ADGRL2: variants seen among roughly 807,000 people sequenced by gnomAD.
ADGRL2 encodes calcium-independent alpha-latrotoxin receptor 2.
In ADGRL2, 44 loss-of-function variants were observed where a neutral mutation model predicts 157.4. The observed-to-expected ratio is 0.28, with a 90% confidence interval of 0.22 to 0.36. ADGRL2 has a LOEUF of 0.36. Ranked by LOEUF, ADGRL2 falls within the 10% of genes least tolerant of loss-of-function variation. ADGRL2 has a pLI of 1.00. For synonymous variants in ADGRL2, 585 were observed against 624.7 expected (o/e 0.94, Z 0.95); for missense variants, 1,510 against 1,768.9 (o/e 0.85, Z 2.63).
intron 3 of ADGRL2, among the ~76,000 whole-genome samples, chr1:81,913,945 T>C (rs1318174175): frequency 2.0e-5 from 3 of 152,064 alleles, no homozygotes; most frequent in Admixed American, 6.6e-5. Flanking sequence ...TACTAATAGA[T>C]ACTAATTTTA....
chr1:81,382,750 T>C (rs1204272613), intron 1 of ADGRL2, among the ~76,000 whole-genome samples: 2 of 152,226 alleles, frequency 1.3e-5, no homozygotes, highest in African/African-American at 4.8e-5. Flanking sequence ...CAATTGGTCT[T>C]ATCTTCAGAT....
intron 1 of ADGRL2, among the ~76,000 whole-genome samples, chr1:81,382,239 A>T (rs2076356121): frequency 1.3e-5 from 2 of 152,202 alleles, no homozygotes; most frequent in African/African-American, 2.4e-5. Flanking sequence ...TCACATCAAC[A>T]TTCATCGCCA....
intron 2 of ADGRL2, among the ~76,000 whole-genome samples, chr1:81,544,627 A>G (rs1354396847): frequency 6.6e-6 from 1 of 152,134 alleles, no homozygotes; most frequent in Non-Finnish European, 1.5e-5. Flanking sequence ...CTGTATTTCA[A>G]TAATAATGTC....
intron 2 of ADGRL2, among the ~76,000 whole-genome samples, chr1:81,515,644 T>C (rs939073285): frequency 6.6e-6 from 1 of 152,192 alleles, no homozygotes. Flanking sequence ...TGTATGTTTA[T>C]TGTGGAAAAT....
At chr1:81,779,253 A>G (rs2086717629) in intron 2 of ADGRL2, among the ~76,000 whole-genome samples, 1 of 152,206 alleles carries the variant, frequency 6.6e-6, no homozygotes, top group South Asian at 2.1e-4. Context: ...GATGGGAAGA[A>G]TGAAATGTCT....
chr1:81,804,499 C>T (rs778317875), intron 1 of ADGRL2, among the ~76,000 whole-genome samples: 2 of 152,130 alleles, frequency 1.3e-5, no homozygotes, highest in Non-Finnish European at 2.9e-5. Context: ...AAGCGGAGGC[C>T]CAAAGGGCAA....
intron 1 of ADGRL2, among the ~76,000 whole-genome samples, chr1:81,393,818 C>CTTTTTTTTT (rs35350823): frequency 7.9e-6 from 1 of 126,618 alleles, no homozygotes; most frequent in Non-Finnish European, 1.8e-5. Flanking sequence ...TATTGCCTTG[C>CTTTTTTTTT]TTTTTTTTTT....
chr1:81,818,578 AT>A (rs1258245478), intron 1 of ADGRL2, among the ~76,000 whole-genome samples: 2 of 152,154 alleles, frequency 1.3e-5, no homozygotes, highest in Non-Finnish European at 2.9e-5. Flanking sequence ...TTATAAGCAT[AT>A]TACATCTACC....
At chr1:81,945,917 C>T (rs775946180) in intron 6 of ADGRL2, among the ~76,000 whole-genome samples, 1 of 151,998 alleles carries the variant, frequency 6.6e-6, no homozygotes, top group Non-Finnish European at 1.5e-5. Flanking sequence ...CATTTAGAGA[C>T]TCCCTTCTCT....
At chr1:81,800,850 G>C (rs182245610), upstream of ADGRL2, among the ~76,000 whole-genome samples, 1,564 of 150,580 alleles carry the variant, frequency 0.01, 28 homozygotes, top group African/African-American at 0.036. Flanking sequence ...GGGACCTGGG[G>C]GTAGGGGGAG....
intron 1 of ADGRL2, among the ~76,000 whole-genome samples, chr1:81,813,802 C>T (rs1442197471): frequency 6.6e-6 from 1 of 151,408 alleles, no homozygotes; most frequent in Non-Finnish European, 1.5e-5. Flanking sequence ...AGTTCATTAC[C>T]TTTTTTCCCC....
intron 15 of ADGRL2, 31 bp from the exon 16 acceptor site, chr1:81,970,283 C>G: frequency 6.7e-7 from 1 of 1,484,504 alleles, no homozygotes. Flanking sequence ...CATGAGTTTT[C>G]TTTTGTGTTT....
chr1:81,567,312 A>G (rs1029657283), intron 2 of ADGRL2, among the ~76,000 whole-genome samples: 2 of 152,124 alleles, frequency 1.3e-5, no homozygotes, highest in Admixed American at 6.6e-5. Flanking sequence ...TCAAGTGTTC[A>G]ATAGTCACAT....
intron 2 of ADGRL2, among the ~76,000 whole-genome samples, chr1:81,879,048 T>C (rs2093917205): frequency 6.6e-6 from 1 of 152,216 alleles, no homozygotes. Context: ...AAACCAAATA[T>C]GAAAATAATG....
intron 3 of ADGRL2, among the ~76,000 whole-genome samples, chr1:81,655,404 G>A (rs964008272): frequency 6.6e-6 from 1 of 152,078 alleles, no homozygotes; most frequent in African/African-American, 2.4e-5. Flanking sequence ...CAACTAATGA[G>A]TGTGGGAATG....
At chr1:81,436,969 C>G (rs747352372) in intron 1 of ADGRL2, among the ~76,000 whole-genome samples, 2 of 152,190 alleles carry the variant, frequency 1.3e-5, no homozygotes, top group Non-Finnish European at 2.9e-5. Context: ...CCACTCCTTA[C>G]GATAGTAAAT....
chr1:81,603,058 A>T (rs901981392), intron 3 of ADGRL2, among the ~76,000 whole-genome samples: 4 of 152,198 alleles, frequency 2.6e-5, no homozygotes, highest in Non-Finnish European at 4.4e-5. Context: ...GTCAAAGACT[A>T]GATCACTCTC....
intron 3 of ADGRL2, among the ~76,000 whole-genome samples, chr1:81,637,102 C>G (rs1173019741): frequency 6.6e-6 from 1 of 152,130 alleles, no homozygotes; most frequent in Non-Finnish European, 1.5e-5. Context: ...CCTCAGCCTC[C>G]CAAAGTGCTG....
At chr1:81,666,831 T>G (rs12754259) in intron 3 of ADGRL2, among the ~76,000 whole-genome samples, 16,875 of 152,282 alleles carry the variant, frequency 0.11, 1,234 homozygotes, top group South Asian at 0.16. Flanking sequence ...TCAACCATCT[T>G]ACAATAACTT....
Sources: allele counts gnomAD v4.1 joint callset (sites outside exome capture counted in the v4.1 genomes callset), GRCh38; gene constraint gnomAD v4.1.1; transcripts MANE v1.5; gene names NCBI Gene and HGNC (gene_info 2026-07-23, HGNC 2026-07-21).